DRICH1: variants seen among roughly 807,000 people sequenced by gnomAD.
The protein encoded by DRICH1 is aspartate-rich protein 1.
A neutral mutation model predicts 39.5 loss-of-function variants in DRICH1; 38 were observed. That is an observed-to-expected ratio of 0.96 (90% CI 0.74 to 1.26). DRICH1 has a LOEUF of 1.26. Ranked by LOEUF, DRICH1 falls within the 50% of genes most tolerant of loss-of-function variation. The pLI is 0.00. For synonymous variants in DRICH1, 84 were observed against 99.5 expected (o/e 0.84, Z 0.93); for missense variants, 279 against 270.4 (o/e 1.03, Z -0.22).
At chr22:23,629,176 T>C (rs1194572628) in intron 1 of DRICH1, among the ~76,000 whole-genome samples, 2 of 151,972 alleles carry the variant, frequency 1.3e-5, no homozygotes, top group South Asian at 2.1e-4. Context: ...GTAGCTGGGA[T>C]TACAGGCACC....
chr22:23,632,431 G>A (rs921141113), upstream of DRICH1: 4 of 247,386 alleles, frequency 1.6e-5, no homozygotes, highest in Non-Finnish European at 1.6e-5. Flanking sequence ...CAGCCCCACA[G>A]CCCCCCCCAA....
chr22:23,605,902 G>A (rs965226880), downstream of DRICH1, among the ~76,000 whole-genome samples: 30 of 151,954 alleles, frequency 2.0e-4, no homozygotes, highest in African/African-American at 7.3e-4. Context: ...CCAACATGGC[G>A]AAATGCCATC....
chr22:23,630,349 T>C (rs1928317418), intron 1 of DRICH1, among the ~76,000 whole-genome samples: 2 of 152,172 alleles, frequency 1.3e-5, no homozygotes, highest in Middle Eastern at 3.2e-3. Context: ...TCGGGACCCA[T>C]TTCTGGGTTC....
At chr22:23,622,671 T>A (rs140119956) in intron 3 of DRICH1, among the ~76,000 whole-genome samples, 169 of 86,738 alleles carry the variant, frequency 1.9e-3, no homozygotes, top group Non-Finnish European at 3.2e-3. Flanking sequence ...TTCTTTTTCA[T>A]AGAGACCATT....
At chr22:23,626,119 G>T in intron 1 of DRICH1, 71 bp from the exon 2 acceptor site, 1 of 1,044,566 alleles carries the variant, frequency 9.6e-7, no homozygotes, top group Non-Finnish European at 1.5e-6. Flanking sequence ...GAGCTTTGCT[G>T]GATGCGGCAC....
At chr22:23,619,495 T>C in intron 5 of DRICH1, 102 bp from the exon 6 acceptor site, 1 of 734,524 alleles carries the variant, frequency 1.4e-6, no homozygotes, top group African/African-American at 1.7e-5. Context: ...AGGATGCACA[T>C]TCATGAGATT....
At chr22:23,597,502 CAAAAA>C in the DRICH1 span, among the ~76,000 whole-genome samples, 5 of 106,440 alleles carry the variant, frequency 4.7e-5, no homozygotes, top group African/African-American at 1.7e-4. Context: ...GACCCTGTCT[CAAAAA>C]AAAAAAAAAA....
At chr22:23,591,074 C>A in the DRICH1 span, among the ~76,000 whole-genome samples, 1 of 152,226 alleles carries the variant, frequency 6.6e-6, no homozygotes, top group African/African-American at 2.4e-5. Context: ...CGTTCTCACT[C>A]ATGGCCCACT....
the DRICH1 span, among the ~76,000 whole-genome samples, chr22:23,584,563 T>C: frequency 2.0e-5 from 3 of 152,206 alleles, no homozygotes; most frequent in East Asian, 3.8e-4. Context: ...CTCTGTTATT[T>C]TGGCAGCTTC....
At chr22:23,623,422 GAAA>G (rs1018715164) in intron 3 of DRICH1, among the ~76,000 whole-genome samples, 1 of 151,668 alleles carries the variant, frequency 6.6e-6, no homozygotes, top group Non-Finnish European at 1.5e-5. Context: ...AAAAAGAAAA[GAAA>G]AAAATAGAAA....
At chr22:23,629,965 A>T (rs1928292479) in intron 1 of DRICH1, among the ~76,000 whole-genome samples, 1 of 152,094 alleles carries the variant, frequency 6.6e-6, no homozygotes, top group Non-Finnish European at 1.5e-5. Context: ...TACTAAATAC[A>T]ATGCAATATC....
At chr22:23,619,258 TAAAAGTA>T (rs1412979381) in intron 6 of DRICH1, 99 bp downstream of exon 6, 1 of 708,378 alleles carries the variant, frequency 1.4e-6, no homozygotes, top group East Asian at 2.6e-5. Flanking sequence ...ATAAAGTTTC[TAAAAGTA>T]AAAAACATAC....
the DRICH1 span, among the ~76,000 whole-genome samples, chr22:23,596,438 G>A: frequency 6.8e-6 from 1 of 147,892 alleles, no homozygotes; most frequent in Non-Finnish European, 1.5e-5. Context: ...ATTTTTATTT[G>A]TGCAAAGGGG....
At chr22:23,611,513 T>C (rs1349724836) in intron 11 of DRICH1, among the ~76,000 whole-genome samples, 4 of 151,550 alleles carry the variant, frequency 2.6e-5, no homozygotes, top group Non-Finnish European at 5.9e-5. Flanking sequence ...TGCCTCAGCC[T>C]CCCAAGTAGC....
In DRICH1 at chr22:23,626,192, G is replaced by C; in HGVS notation, c.209-144C>G. On this transcript the variant is annotated intron_variant, in intron 1 of 11. Transcript: ENST00000317749. Reference sequence around the variant, plus strand: ...AGAAACAACTGTGTTCAAGTAGTGAGCATGAGGGAGTCTCACCAGATACCT... The same window carrying C: ...AGAAACAACTGTGTTCAAGTAGTGACCATGAGGGAGTCTCACCAGATACCT... 3 of 620,800 alleles carry C rather than the reference G, an allele frequency of 4.8e-6. No homozygotes were observed. The South Asian group carries it at 6.0e-5, about 12-fold the overall frequency. The allele number at this position is 620,800 out of a possible 1,614,324, so 38.5% of individuals were successfully genotyped here.
chr22:23,618,346 T>C (rs1569091043), intron 6 of DRICH1, among the ~76,000 whole-genome samples: 1 of 151,950 alleles, frequency 6.6e-6, no homozygotes, highest in Non-Finnish European at 1.5e-5. Flanking sequence ...CATCTCCTGA[T>C]CTCATGATCC....
At chr22:23,593,990 A>T in the DRICH1 span, among the ~76,000 whole-genome samples, 3 of 148,640 alleles carry the variant, frequency 2.0e-5, no homozygotes, top group African/African-American at 7.4e-5. Context: ...AAAAAAAAAA[A>T]GAAAAGAGCA....
At chr22:23,615,577 A>C (rs1927308278) in intron 8 of DRICH1, among the ~76,000 whole-genome samples, 1 of 152,216 alleles carries the variant, frequency 6.6e-6, no homozygotes, top group Non-Finnish European at 1.5e-5. Flanking sequence ...ACTAACACAC[A>C]ATACTACACA....
chr22:23,608,748 G>C lies in DRICH1; in HGVS notation c.*16C>G, dbSNP rs1228767959. ...GCCCTTTGGGTCAGCACCCTGGTCA[G>C]CTCCACAGAAGGGCTTCACCCTGGA... On this transcript the variant is annotated 3_prime_UTR_variant, in exon 12 of 12. Coordinates refer to ENST00000317749, the MANE Select transcript of DRICH1 (RefSeq NM_016449.4). 5 of 1,558,622 alleles carry C rather than the reference G, an allele frequency of 3.2e-6. No individual in the cohort carries two copies. The highest frequency in any genetic ancestry group is 2.7e-5 in the African/African-American group (2 of 73,650).
Sources: allele counts gnomAD v4.1 joint callset (sites outside exome capture counted in the v4.1 genomes callset), GRCh38; gene constraint gnomAD v4.1.1; transcripts MANE v1.5; gene names NCBI Gene and HGNC (gene_info 2026-07-23, HGNC 2026-07-21).